ZNF117: variants seen among roughly 807,000 people sequenced by gnomAD.
ZNF117 encodes Krueppel-related zinc finger protein.
ZNF117 carries 37 observed loss-of-function variants against 41.2 expected under a neutral mutation model. The observed-to-expected ratio is 0.90, with a 90% CI of 0.69 to 1.18. ZNF117 has a LOEUF of 1.18. ZNF117 is among the 50% of genes most tolerant of loss of function. The probability of loss-of-function intolerance (pLI) is 0.00; values close to 1 mark genes in which losing one functional copy is unlikely to be tolerated. For synonymous variants in ZNF117, 186 were observed against 186.6 expected, an observed-to-expected ratio of 1.00 and a Z score of 0.02; for missense variants, 546 against 557.5, an observed-to-expected ratio of 0.98 and a Z score of 0.21.
intron 1 of ZNF117, among the ~76,000 whole-genome samples, chr7:64,987,626 A>G (rs1188619493): frequency 6.6e-6 from 1 of 152,144 alleles, no homozygotes; most frequent in Admixed American, 6.6e-5. Context: ...CCACAAGAAT[A>G]CAAATAACTG....
upstream of ZNF117, among the ~76,000 whole-genome samples, chr7:64,983,704 T>C (rs1671242563): frequency 6.6e-6 from 1 of 152,204 alleles, no homozygotes; most frequent in Non-Finnish European, 1.5e-5. Flanking sequence ...CACCACCTGT[T>C]TACCTGCTAC....
At chr7:64,983,808 A>G (rs1365817117), upstream of ZNF117, among the ~76,000 whole-genome samples, 1 of 152,212 alleles carries the variant, frequency 6.6e-6, no homozygotes, top group Non-Finnish European at 1.5e-5. Context: ...TGGGGCCTCT[A>G]AAACAGAAAC....
exon 3 of ZNF117, chr7:64,975,052 C>A (rs1365698727): frequency 2.0e-5 from 3 of 151,760 alleles, no homozygotes; most frequent in African/African-American, 7.3e-5. Flanking sequence ...TAATTAAGTT[C>A]TTTAGTTTAA....
At chr7:64,972,304 T>C (rs1584041862), downstream of ZNF117, 1 of 137,092 alleles carries the variant, frequency 7.3e-6, no homozygotes, top group Non-Finnish European at 1.6e-5. Flanking sequence ...TTTTACTGTA[T>C]ATATCCAAAA....
At chr7:64,987,476 CTA>C (rs1786158793) in intron 1 of ZNF117, among the ~76,000 whole-genome samples, 1 of 151,964 alleles carries the variant, frequency 6.6e-6, no homozygotes, top group Non-Finnish European at 1.5e-5. Context: ...ATGTGAAAAA[CTA>C]TACAAAAGAT....
At chr7:64,977,345 T>G (rs1040443925) in exon 3 of ZNF117, 2 of 415,782 alleles carry the variant, frequency 4.8e-6, no homozygotes, top group East Asian at 1.3e-4. Context: ...TTATCTTATA[T>G]GTAGAAAGGG....
At chr7:64,981,435 T>C in exon 2 of ZNF117, 1 of 1,612,968 alleles carries the variant, frequency 6.2e-7, no homozygotes, top group Non-Finnish European at 8.5e-7. Context: ...CAGGGCTCTT[T>C]TCCTTGCTCC....
At position 64,990,457 on chromosome 7, in the gene ZNF117, C is replaced by T; in HGVS notation, c.-706G>A. 1 of 185,100 alleles carries T rather than the reference C, an allele frequency of 5.4e-6. No homozygotes were observed. Among genetic ancestry groups the T allele is most frequent in the South Asian group, 1.5e-4 (1 of 6,896 alleles). The allele number at this position is 185,100 out of a possible 1,614,324, so 11.5% of individuals were successfully genotyped here. ...AGACAGGGCTTGACTTTTATACATG[C>T]ATCAGGCAGGGGCAAGTCGGGTTTT... On this transcript the variant is annotated 5_prime_UTR_variant, in exon 1 of 4. The change abolishes an upstream ATG in the 5' untranslated region. Transcript: ENST00000282869.
chr7:64,973,843 A>T (rs1252562428), downstream of ZNF117: 2 of 151,938 alleles, frequency 1.3e-5, no homozygotes, highest in African/African-American at 4.8e-5. Flanking sequence ...ATGGAAAAAA[A>T]ATGTTATCTG....
chr7:64,975,358 T>C (rs1204532732), exon 3 of ZNF117: 1 of 152,064 alleles, frequency 6.6e-6, no homozygotes, highest in African/African-American at 2.4e-5. Flanking sequence ...AAATAAAAGA[T>C]ATTTTCACTA....
At chr7:64,982,525 C>T (rs775397686), upstream of ZNF117, among the ~76,000 whole-genome samples, 11 of 152,108 alleles carry the variant, frequency 7.2e-5, no homozygotes, top group South Asian at 4.1e-4. Flanking sequence ...CTTCAGATCT[C>T]GTTAATGCAG....
At position 64,979,119 on chromosome 7, in the gene ZNF117, G is replaced by T. The variant is rs796395329; in HGVS notation, c.452C>A (p.Thr151Asn). ...ATGAATTCTCTTATGTTTATTAAGG[G>T]TTGAGGACCAGTTAAAGGCTCTTCC... The change falls in exon 3 of 3, where the codon ACC becomes AAC. Residue 151 changes from threonine (T) to asparagine (N), a missense_variant. Thr to Asn is a moderately conservative substitution (Grantham distance 65). Transcript: ENST00000620222. 6 of 1,611,972 alleles carry T rather than the reference G, an allele frequency of 3.7e-6. No individual in the cohort carries two copies. The African/African-American group carries it at 8.0e-5, about 22-fold the overall frequency.
upstream of ZNF117, among the ~76,000 whole-genome samples, chr7:64,984,289 G>A (rs62456469): frequency 0.051 from 7,710 of 152,154 alleles, 227 homozygotes; most frequent in East Asian, 0.15. Context: ...GTGCCATCAC[G>A]CCCAACTAAT....
chr7:64,989,324 T>C (rs1347161818), intron 1 of ZNF117, among the ~76,000 whole-genome samples: 1 of 150,860 alleles, frequency 6.6e-6, no homozygotes, highest in Non-Finnish European at 1.5e-5. Flanking sequence ...CCCTATTTAA[T>C]AAATGAGGTT....
upstream of ZNF117, among the ~76,000 whole-genome samples, chr7:64,984,171 A>T (rs1476185453): frequency 6.6e-6 from 1 of 152,016 alleles, no homozygotes; most frequent in East Asian, 1.9e-4. Context: ...TTGCTCTGTC[A>T]TCCAGGCTGG....
chr7:64,986,702 G>A (rs879354731), upstream of ZNF117, among the ~76,000 whole-genome samples: 3 of 152,098 alleles, frequency 2.0e-5, no homozygotes, highest in Non-Finnish European at 4.4e-5. Context: ...CAAAAGGATA[G>A]GTGGGTTTGT....
At chr7:64,978,381 A>C in exon 3 of ZNF117, 1 of 1,606,330 alleles carries the variant, frequency 6.2e-7, no homozygotes, top group South Asian at 1.1e-5. Context: ...TAGGTGGAAA[A>C]CTTTGCCAGA....
upstream of ZNF117, among the ~76,000 whole-genome samples, chr7:64,982,761 G>C (rs1304345994): frequency 6.6e-6 from 1 of 152,162 alleles, no homozygotes; most frequent in Non-Finnish European, 1.5e-5. Context: ...GCAGCTGCCA[G>C]ATTAAATGTG....
chr7:64,977,806 C>T (rs1296995379), exon 3 of ZNF117: 4 of 1,029,906 alleles, frequency 3.9e-6, no homozygotes, highest in Non-Finnish European at 5.9e-6. Context: ...TTTCCACATT[C>T]TTCACATTTG....
Sources: gnomAD v4.1 joint callset for allele counts (sites outside exome capture counted in the v4.1 genomes callset) on GRCh38, gnomAD v4.1.1 for gene constraint, MANE v1.5 for transcripts, NCBI Gene and HGNC (gene_info 2026-07-23, HGNC 2026-07-21) for gene names.